Variants in FGF13 observed in about 807,000 individuals in gnomAD.
FGF13 encodes fibroblast growth factor homologous factor 2.
FGF13 carries 2 observed loss-of-function variants against 19.5 expected under a neutral mutation model. That is an observed-to-expected ratio of 0.10 (90% CI 0.04 to 0.32). The LOEUF is 0.32. Among genes scored for constraint, FGF13 ranks in the 10% least tolerant of loss-of-function variants. The pLI is 1.00. For missense variants in FGF13, 113 were observed against 192.7 expected (o/e 0.59, Z 2.45); for synonymous variants, 72 against 76.9 (o/e 0.94, Z 0.33).
At chrX:138,640,723 T>TA (rs2089241286) in intron 3 of FGF13, among the ~76,000 whole-genome samples, 1 of 112,191 alleles carries the variant, frequency 8.9e-6, no homozygotes. Context: ...TACCAAAAGA[T>TA]ACACACCAAG....
At chrX:138,830,291 C>CTT (rs769454336) in intron 3 of FGF13, among the ~76,000 whole-genome samples, 1 of 111,579 alleles carries the variant, frequency 9.0e-6, no homozygotes, top group South Asian at 3.8e-4. Context: ...AAGTTCAAAT[C>CTT]TTCTTAGAGA....
At chrX:139,154,545 G>A (rs1228773156) in intron 1 of FGF13, among the ~76,000 whole-genome samples, 2 of 111,995 alleles carry the variant, frequency 1.8e-5, no homozygotes, top group African/African-American at 3.2e-5. Flanking sequence ...AACAATTACC[G>A]CTTGTAAATT....
chrX:138,781,383 T>C (rs1382566275), intron 3 of FGF13, among the ~76,000 whole-genome samples: 1 of 110,323 alleles, frequency 9.1e-6, no homozygotes, highest in Non-Finnish European at 1.9e-5. Flanking sequence ...CGGGAGCTGG[T>C]TTTTTGAAAA....
chrX:138,885,339 GC>G (rs1396952853), intron 1 of FGF13, among the ~76,000 whole-genome samples: 1 of 111,551 alleles, frequency 9.0e-6, no homozygotes, highest in Non-Finnish European at 1.9e-5. Context: ...GCTGTGGGCT[GC>G]CCCCAGTGCT....
At chrX:139,053,014 T>G (rs1272138519) in intron 1 of FGF13, among the ~76,000 whole-genome samples, 1 of 73,191 alleles carries the variant, frequency 1.4e-5, no homozygotes. Context: ...CCTCCCACCC[T>G]TCCCCCCAAG....
At chrX:138,719,740 T>C (rs1186501079) in intron 1 of FGF13, among the ~76,000 whole-genome samples, 1 of 112,649 alleles carries the variant, frequency 8.9e-6, no homozygotes, top group African/African-American at 3.2e-5. Flanking sequence ...CTTTTGCAAT[T>C]AGGAGCTTCT....
intron 3 of FGF13, among the ~76,000 whole-genome samples, chrX:138,696,498 C>A (rs1051193700): frequency 9.0e-6 from 1 of 111,599 alleles, no homozygotes; most frequent in Non-Finnish European, 1.9e-5. Context: ...TGAACTATAT[C>A]TCATTCAAGC....
chrX:138,761,484 C>T (rs1198648903), intron 3 of FGF13, among the ~76,000 whole-genome samples: 1 of 111,488 alleles, frequency 9.0e-6, no homozygotes. Context: ...GGTAAGGAGC[C>T]ATGCTGCCAT....
intron 1 of FGF13, among the ~76,000 whole-genome samples, chrX:139,146,119 G>A (rs1361864020): frequency 9.0e-6 from 1 of 111,682 alleles, no homozygotes; most frequent in African/African-American, 3.3e-5. Context: ...ATTGACAAAT[G>A]AGATCTAATT....
At chrX:138,917,389 C>T (rs887088490) in intron 1 of FGF13, among the ~76,000 whole-genome samples, 1 of 111,897 alleles carries the variant, frequency 8.9e-6, no homozygotes, top group Non-Finnish European at 1.9e-5. Context: ...AAGAAGGTAG[C>T]GATCTGCAAC....
intron 1 of FGF13, among the ~76,000 whole-genome samples, chrX:139,161,547 C>G (rs7882368): frequency 0.12 from 12,775 of 110,753 alleles, 1,195 homozygotes; most frequent in African/African-American, 0.32. Context: ...GAAGTCTGGC[C>G]ACGGCACTCA....
chrX:138,860,197 A>G (rs763614344), intron 2 of FGF13, among the ~76,000 whole-genome samples: 28 of 111,724 alleles, frequency 2.5e-4, no homozygotes, highest in African/African-American at 8.4e-4. Flanking sequence ...TTTTGGATGG[A>G]AAATTAAAAC....
intron 1 of FGF13, among the ~76,000 whole-genome samples, chrX:139,010,973 T>C (rs2092125515): frequency 1.8e-5 from 2 of 111,182 alleles, no homozygotes; most frequent in Non-Finnish European, 3.8e-5. Context: ...ACGGGAGATA[T>C]TACCACTGAT....
intron 1 of FGF13, among the ~76,000 whole-genome samples, chrX:138,989,675 A>G (rs1460819890): frequency 9.0e-6 from 1 of 110,844 alleles, no homozygotes; most frequent in Non-Finnish European, 1.9e-5. Flanking sequence ...GAGCCACACA[A>G]TGATACTATG....
intron 3 of FGF13, among the ~76,000 whole-genome samples, chrX:138,827,533 A>T (rs1462798521): frequency 2.7e-5 from 3 of 111,771 alleles, no homozygotes; most frequent in Non-Finnish European, 5.6e-5. Context: ...ACATATTAGG[A>T]AATGCTGCTG....
At position 139,072,259 on chromosome X, in the gene FGF13, A is replaced by ATC. The variant is rs1258801206; in HGVS notation, c.-113+131155_-113+131156dup. Among the ~76,000 whole-genome samples the ATC allele has an allele frequency of 2.4e-4, 25 of 102,139 alleles. 1 individual carries two copies. Among genetic ancestry groups the ATC allele is most frequent in the South Asian group, 4.4e-4 (1 of 2,289 alleles). 88.7% of individuals were successfully genotyped at this position (102,139 alleles called of 115,157 possible). A position where few individuals can be genotyped will look rare whatever the true frequency, so the allele number is the denominator to read the frequency against. Reference sequence around the variant, plus strand: ...GGAAGAGAGAACAGAAATCAGAAATATCTCTCTCTCTCTCTCTACACACAC... The same window carrying ATC: ...GGAAGAGAGAACAGAAATCAGAAATATCTCTCTCTCTCTCTCTCTACACACAC... On this transcript the variant is annotated intron_variant, in intron 1 of 2. Coordinates refer to the FGF13 transcript ENST00000421460.
chrX:139,112,229 C>T (rs922268718), intron 1 of FGF13, among the ~76,000 whole-genome samples: 1 of 111,340 alleles, frequency 9.0e-6, no homozygotes, highest in South Asian at 3.8e-4. Flanking sequence ...TTTCCTCATC[C>T]GTAAAATGGG....
At chrX:138,964,133 A>C (rs2091885888) in intron 1 of FGF13, among the ~76,000 whole-genome samples, 1 of 111,977 alleles carries the variant, frequency 8.9e-6, no homozygotes, top group Non-Finnish European at 1.9e-5. Flanking sequence ...GACATACAGC[A>C]GCAGAAAAAT....
chrX:138,894,406 C>T (rs1037037416), intron 1 of FGF13, among the ~76,000 whole-genome samples: 11 of 109,898 alleles, frequency 1.0e-4, no homozygotes, highest in South Asian at 4.0e-4. Context: ...ATTGATAGAC[C>T]GCTAGCAAGA....
Sources: gnomAD v4.1 joint callset for allele counts (sites outside exome capture counted in the v4.1 genomes callset) on GRCh38, gnomAD v4.1.1 for gene constraint, MANE v1.5 for transcripts, NCBI Gene and HGNC (gene_info 2026-07-23, HGNC 2026-07-21) for gene names.